The following CFAP299 variants were observed in gnomAD, a reference collection of about 807,000 sequenced individuals.
CFAP299 encodes the protein cilia- and flagella-associated protein 299.
A neutral mutation model predicts 27.0 loss-of-function variants in CFAP299; 21 were observed. The ratio of observed to expected loss-of-function variants is 0.78; its 90% confidence interval spans 0.55 to 1.12. The LOEUF is 1.12. Ranked by LOEUF, CFAP299 falls within the 50% of genes most tolerant of loss-of-function variation. CFAP299 has a pLI of 0.00. For missense variants in CFAP299, 310 were observed against 276.6 expected, an observed-to-expected ratio of 1.12 and a Z score of -0.86; for synonymous variants, 104 against 98.1, an observed-to-expected ratio of 1.06 and a Z score of -0.36.
intron 2 of CFAP299, among the ~76,000 whole-genome samples, chr4:80,474,436 A>G (rs1730171570): frequency 6.6e-6 from 1 of 152,234 alleles, no homozygotes; most frequent in Non-Finnish European, 1.5e-5. Flanking sequence ...CATCTGAGAT[A>G]AATTCATTTT....
At position 80,499,968 on chromosome 4, in the gene CFAP299, AT is replaced by A. The variant is rs370256415; in HGVS notation, c.243-83115del. The stretch of plus-strand genomic sequence containing the variant: ...GAAACCTACTTATTTTATTAACTTC[AT>A]TTTTTTTTTGTTTGTTTGTTTGAAT... On this transcript the variant is annotated intron_variant, in intron 2 of 5. Coordinates refer to ENST00000358105, the MANE Select transcript of CFAP299 (RefSeq NM_152770.3). Among the ~76,000 whole-genome samples the A allele has an allele frequency of 9.2e-3, 1,318 of 142,682 alleles. 4 individuals carry two copies. The highest frequency in any genetic ancestry group is 0.029 in the Middle Eastern group (8 of 272). 93.6% of individuals were successfully genotyped at this position (142,682 alleles called of 152,430 possible). A position where few individuals can be genotyped will look rare whatever the true frequency, so the allele number is the denominator to read the frequency against.
At chr4:80,759,905 A>T (rs541609776) in intron 3 of CFAP299, among the ~76,000 whole-genome samples, 1 of 152,022 alleles carries the variant, frequency 6.6e-6, no homozygotes, top group Non-Finnish European at 1.5e-5. Flanking sequence ...GGATCTCATC[A>T]TGGCAATTTT....
intron 2 of CFAP299, among the ~76,000 whole-genome samples, chr4:80,391,244 A>AT (rs1241440949): frequency 1.3e-5 from 2 of 152,060 alleles, no homozygotes; most frequent in Non-Finnish European, 2.9e-5. Context: ...CAGAACTTGG[A>AT]TTGCTGGATT....
intron 2 of CFAP299, among the ~76,000 whole-genome samples, chr4:80,372,718 C>A (rs750089413): frequency 6.6e-6 from 1 of 152,088 alleles, no homozygotes; most frequent in Non-Finnish European, 1.5e-5. Flanking sequence ...TTCCAATCAG[C>A]GTGATGTCAC....
chr4:80,494,779 A>G (rs898330875), intron 2 of CFAP299, among the ~76,000 whole-genome samples: 7 of 152,148 alleles, frequency 4.6e-5, no homozygotes, highest in Non-Finnish European at 7.3e-5. Flanking sequence ...CATTTATTTT[A>G]TAAATATTGA....
In CFAP299 at chr4:80,476,960, CGTGTGT is replaced by C. The variant is rs34671713; in HGVS notation, c.243-106114_243-106109del. ...GTGTGTGTGCGTGTGTGTGCGCATG[CGTGTGT>C]GTGTGTGTGTGTGTGTGTCTTCCCC... On this transcript the variant is annotated intron_variant, in intron 2 of 5. Transcript: ENST00000358105. Among the ~76,000 whole-genome samples the C allele has an allele frequency of 9.4e-3, 1,004 of 106,672 alleles. 5 individuals carry two copies. The highest frequency in any genetic ancestry group is 0.025 in the African/African-American group (810 of 32,026). The allele number at this position is 106,672 out of a possible 152,430, so 70.0% of individuals were successfully genotyped here.
intron 2 of CFAP299, among the ~76,000 whole-genome samples, chr4:80,437,212 A>G (rs1447481797): frequency 6.6e-6 from 1 of 152,204 alleles, no homozygotes; most frequent in African/African-American, 2.4e-5. Flanking sequence ...TTGATATTGT[A>G]TTGAGTGGAA....
intron 2 of CFAP299, among the ~76,000 whole-genome samples, chr4:80,513,678 G>A (rs1247232253): frequency 2.0e-5 from 3 of 152,036 alleles, no homozygotes; most frequent in Non-Finnish European, 4.4e-5. Context: ...ATAGATATGT[G>A]TTAAATGAGT....
intron 4 of CFAP299, among the ~76,000 whole-genome samples, chr4:80,914,465 G>A (rs1017226064): frequency 3.3e-5 from 5 of 152,006 alleles, no homozygotes; most frequent in Non-Finnish European, 5.9e-5. Context: ...AGCAATATCC[G>A]TATCCTCTAC....
Position 80,870,062 on chromosome 4 carries a change from A to G in CFAP299, c.403A>G (p.Arg135Gly), listed in dbSNP as rs781012985. The G allele has an allele frequency of 5.0e-6, 8 of 1,613,812 alleles. No individual in the cohort carries two copies. The highest frequency in any genetic ancestry group is 1.1e-5 in the South Asian group (1 of 91,056). Reference sequence around the variant, plus strand: ...ATCAGGATACATCGACTATGCCCACAGGCTAAAGACGGAAGATTTTGAAGT... The same window carrying G: ...ATCAGGATACATCGACTATGCCCACGGGCTAAAGACGGAAGATTTTGAAGT... ...EISGYIDYAHRLKTEDFEVYF... is the reference protein window; with the variant it reads ...EISGYIDYAHGLKTEDFEVYF... The change falls in exon 4 of 6, where the codon AGG becomes GGG. Residue 135 changes from arginine to glycine, a missense_variant. Physicochemically the swap from Arg to Gly is moderately radical, Grantham distance 125 (BLOSUM62 -2). Transcript: ENST00000358105.
At chr4:80,597,694 C>CT (rs201908056) in intron 3 of CFAP299, among the ~76,000 whole-genome samples, 3,162 of 149,218 alleles carry the variant, frequency 0.021, 74 homozygotes, top group South Asian at 0.071. Flanking sequence ...CCTACAATTA[C>CT]TTTTTTTTTT....
At chr4:80,509,160 A>G (rs10857170) in intron 2 of CFAP299, among the ~76,000 whole-genome samples, 35,669 of 152,108 alleles carry the variant, frequency 0.23, 5,122 homozygotes, top group African/African-American at 0.41. Flanking sequence ...TATAGCTCTT[A>G]TAAGTTAAAT....
rs115519492 is a variant in CFAP299 at position 80,936,112 on chromosome 4, A to G, written c.477-8698A>G. On this transcript the variant is annotated intron_variant, in intron 4 of 5. Transcript: ENST00000358105. ...TTTACCATTACTTTTAATGGCAAAA[A>G]CATAATTACTTTTGCATCAACCTAT... is the stretch of plus-strand genomic sequence containing the variant. Among the ~76,000 whole-genome samples, 442 of 152,264 alleles carry G rather than the reference A, an allele frequency of 2.9e-3. 2 individuals carry two copies. The highest frequency in any genetic ancestry group is 0.01 in the African/African-American group (428 of 41,566).
rs543669126 is a variant in CFAP299 at position 80,471,824 on chromosome 4, A to G, written c.242+108940A>G. On this transcript the variant is annotated intron_variant, in intron 2 of 5. Transcript: ENST00000358105. ...GACTGCCAGTGTTTCTGTAACTGCG[A>G]GATGGGAGAGCGCTTGCACTCCTTC... is the stretch of plus-strand genomic sequence containing the variant. Among the ~76,000 whole-genome samples the G allele has an allele frequency of 8.5e-5, 13 of 152,332 alleles. No homozygotes were observed. In the East Asian group the frequency reaches 2.5e-3, roughly 29 times the overall value.
intron 3 of CFAP299, among the ~76,000 whole-genome samples, chr4:80,597,607 A>G (rs560305501): frequency 6.6e-6 from 1 of 152,296 alleles, no homozygotes; most frequent in African/African-American, 2.4e-5. Context: ...TGCTATCTCA[A>G]AGTTACAATT....
chr4:80,573,796 C>T (rs906913549), intron 2 of CFAP299, among the ~76,000 whole-genome samples: 1 of 152,082 alleles, frequency 6.6e-6, no homozygotes, highest in Non-Finnish European at 1.5e-5. Context: ...TCTCAGTTCT[C>T]TATTCTGTTC....
intron 2 of CFAP299, among the ~76,000 whole-genome samples, chr4:80,364,118 A>ACACACACACACACACACACACACT (rs1723700197): frequency 6.6e-6 from 1 of 151,254 alleles, no homozygotes; most frequent in Non-Finnish European, 1.5e-5. Context: ...ACACACACAC[A>ACACACACACACACACACACACACT]TTTCTTTGTT....
intron 2 of CFAP299, among the ~76,000 whole-genome samples, chr4:80,519,358 C>T (rs13142089): frequency 0.15 from 23,140 of 152,012 alleles, 2,626 homozygotes; most frequent in African/African-American, 0.32. Context: ...AAGCATGTGC[C>T]ACCACAGGTG....
intron 3 of CFAP299, among the ~76,000 whole-genome samples, chr4:80,804,565 G>A (rs1023556383): frequency 1.3e-5 from 2 of 152,006 alleles, no homozygotes; most frequent in Non-Finnish European, 2.9e-5. Context: ...TATCTATTGT[G>A]AATAATGCTG....
Sources: gnomAD v4.1 joint callset for allele counts (sites outside exome capture counted in the v4.1 genomes callset) on GRCh38, gnomAD v4.1.1 for gene constraint, MANE v1.5 for transcripts, NCBI Gene and HGNC (gene_info 2026-07-23, HGNC 2026-07-21) for gene names.